Variants in TRAPPC9 observed in about 807,000 individuals in gnomAD.
TRAPPC9 encodes the protein trafficking protein particle complex subunit 9, also known as IKK2 binding protein.
In TRAPPC9, 83 loss-of-function variants were observed where a neutral mutation model predicts 124.0. That is an observed-to-expected ratio of 0.67 (90% CI 0.56 to 0.80). TRAPPC9 has a LOEUF of 0.80. Ranked by LOEUF, TRAPPC9 falls within the 30% of genes least tolerant of loss-of-function variation. The pLI is 0.00. For synonymous variants in TRAPPC9, 638 were observed against 617.5 expected (o/e 1.03, Z -0.49); for missense variants, 1,302 against 1,508.3 (o/e 0.86, Z 2.27).
chr8:139,751,314 G>T (rs1440030971), intron 21 of TRAPPC9, among the ~76,000 whole-genome samples: 1 of 152,154 alleles, frequency 6.6e-6, no homozygotes, highest in East Asian at 1.9e-4. Flanking sequence ...ATGCCCAGGG[G>T]CCAGGCCCAC....
chr8:140,235,138 G>A (rs2063702938), intron 16 of TRAPPC9, among the ~76,000 whole-genome samples: 2 of 151,976 alleles, frequency 1.3e-5, no homozygotes, highest in Non-Finnish European at 2.9e-5. Flanking sequence ...TGCCCAGCTA[G>A]TTTTTTGTAT....
chr8:140,264,292 T>C (rs927658455), intron 15 of TRAPPC9, among the ~76,000 whole-genome samples: 1 of 152,084 alleles, frequency 6.6e-6, no homozygotes. Flanking sequence ...GCGCTGCCTG[T>C]GGCCTCCCAA....
chr8:139,922,659 C>A (rs924798349), intron 19 of TRAPPC9, among the ~76,000 whole-genome samples: 3 of 152,214 alleles, frequency 2.0e-5, no homozygotes, highest in African/African-American at 7.2e-5. Flanking sequence ...TGAGGCAGGG[C>A]TTCCTCCCCC....
chr8:139,846,910 T>C (rs1827124752), intron 21 of TRAPPC9, among the ~76,000 whole-genome samples: 1 of 152,252 alleles, frequency 6.6e-6, no homozygotes, highest in African/African-American at 2.4e-5. Flanking sequence ...TTTTTGATCA[T>C]GCAAATTGAT....
intron 21 of TRAPPC9, among the ~76,000 whole-genome samples, chr8:139,756,959 TCGCAGGAGAAGCCAGGG>T (rs1819864566): frequency 7.8e-6 from 1 of 127,680 alleles, no homozygotes; most frequent in African/African-American, 3.0e-5. Flanking sequence ...GGACAGCAGG[TCGCAGGAGAAGCCAGGG>T]TTTGGGGATG....
chr8:139,938,503 T>C (rs917265187), intron 19 of TRAPPC9, among the ~76,000 whole-genome samples: 3 of 152,066 alleles, frequency 2.0e-5, no homozygotes, highest in Middle Eastern at 3.2e-3. Flanking sequence ...GCCAGGATGG[T>C]CTCGATCTCC....
At chr8:139,781,113 A>G (rs1488902615) in intron 21 of TRAPPC9, among the ~76,000 whole-genome samples, 1 of 152,198 alleles carries the variant, frequency 6.6e-6, no homozygotes, top group East Asian at 1.9e-4. Flanking sequence ...GATTTATGAC[A>G]AAACTGAAAT....
At chr8:140,445,918 G>C (rs1316321757) in intron 2 of TRAPPC9, among the ~76,000 whole-genome samples, 1 of 152,226 alleles carries the variant, frequency 6.6e-6, no homozygotes, top group Non-Finnish European at 1.5e-5. Flanking sequence ...GTGTCCTGCA[G>C]GGCTGCCCTT....
At chr8:140,072,616 GGA>G (rs1843252736) in intron 17 of TRAPPC9, among the ~76,000 whole-genome samples, 2 of 150,714 alleles carry the variant, frequency 1.3e-5, no homozygotes, top group African/African-American at 4.9e-5. Context: ...AGGAGGAGGA[GGA>G]GGAGGAGCGG....
At chr8:140,338,024 T>C (rs2067091057) in intron 9 of TRAPPC9, among the ~76,000 whole-genome samples, 1 of 152,206 alleles carries the variant, frequency 6.6e-6, no homozygotes. Context: ...CTCCGTATTT[T>C]ATTTTATACC....
intron 21 of TRAPPC9, among the ~76,000 whole-genome samples, chr8:139,767,187 CAAAT>C (rs921678129): frequency 6.6e-6 from 1 of 152,290 alleles, no homozygotes; most frequent in African/African-American, 2.4e-5. Flanking sequence ...TCTTATATAA[CAAAT>C]AAGGCATCCT....
chr8:140,229,177 G>C (rs566258417), intron 16 of TRAPPC9, among the ~76,000 whole-genome samples: 15 of 151,592 alleles, frequency 9.9e-5, no homozygotes, highest in African/African-American at 3.6e-4. Context: ...GAAAAGAATG[G>C]GAAACACAGA....
At chr8:140,421,789 A>C (rs753778707) in intron 5 of TRAPPC9, among the ~76,000 whole-genome samples, 2 of 152,154 alleles carry the variant, frequency 1.3e-5, no homozygotes, top group African/African-American at 2.4e-5. Context: ...AACTTTCTGT[A>C]GTCATGACAC....
At chr8:140,240,409 C>T (rs575383174) in intron 16 of TRAPPC9, among the ~76,000 whole-genome samples, 4 of 152,268 alleles carry the variant, frequency 2.6e-5, no homozygotes, top group African/African-American at 7.2e-5. Context: ...CCCCAGGCTA[C>T]GGGATCTCCC....
At chr8:139,792,605 C>T (rs59930127) in intron 21 of TRAPPC9, among the ~76,000 whole-genome samples, 2,625 of 152,272 alleles carry the variant, frequency 0.017, 81 homozygotes, top group African/African-American at 0.06. Flanking sequence ...GGCCACCAGC[C>T]TAGAAGCCCT....
At chr8:139,986,697 T>G (rs1380381339) in intron 19 of TRAPPC9, among the ~76,000 whole-genome samples, 1 of 152,224 alleles carries the variant, frequency 6.6e-6, no homozygotes, top group Non-Finnish European at 1.5e-5. Context: ...AACACTGGCT[T>G]AGTTTTTCCT....
At chr8:140,110,909 CT>C (rs528183912) in intron 17 of TRAPPC9, among the ~76,000 whole-genome samples, 6 of 24,476 alleles carry the variant, frequency 2.5e-4, no homozygotes, top group African/African-American at 1.3e-3. Flanking sequence ...CAGCTCCCCC[CT>C]GCACCCCCTG....
chr8:140,362,946 C>G (rs1202502020), intron 8 of TRAPPC9, among the ~76,000 whole-genome samples: 1 of 152,150 alleles, frequency 6.6e-6, no homozygotes, highest in African/African-American at 2.4e-5. Flanking sequence ...AAATAGTGTA[C>G]AAGTCATAAT....
At chr8:139,874,477 C>T (rs953989851) in intron 21 of TRAPPC9, among the ~76,000 whole-genome samples, 3 of 152,208 alleles carry the variant, frequency 2.0e-5, no homozygotes, top group Admixed American at 6.5e-5. Flanking sequence ...AACGCGCAGG[C>T]GGAAATGCAG....
Sources: allele counts gnomAD v4.1 joint callset (sites outside exome capture counted in the v4.1 genomes callset), GRCh38; gene constraint gnomAD v4.1.1; transcripts MANE v1.5; gene names NCBI Gene and HGNC (gene_info 2026-07-23, HGNC 2026-07-21).